GPLD1: variants seen among roughly 807,000 people sequenced by gnomAD.
GPLD1 encodes the protein phosphatidylinositol-glycan-specific phospholipase D.
A neutral mutation model predicts 112.6 loss-of-function variants in GPLD1; 84 were observed. The observed-to-expected ratio is 0.75, with a 90% CI of 0.63 to 0.89. The LOEUF is 0.89. Ranked by LOEUF, GPLD1 falls within the 40% of genes least tolerant of loss-of-function variation. The probability of loss-of-function intolerance (pLI) is 0.00; values close to 1 mark genes in which losing one functional copy is unlikely to be tolerated. For synonymous variants in GPLD1, 386 were observed against 403.8 expected (o/e 0.96, Z 0.53); for missense variants, 1,044 against 1,051.5 (o/e 0.99, Z 0.10).
intron 15 of GPLD1, 149 bp downstream of exon 15, chr6:24,449,640 T>G: frequency 1.7e-6 from 1 of 594,382 alleles, no homozygotes; most frequent in Non-Finnish European, 3.0e-6. Context: ...AAGAACCCCA[T>G]AGGGGCCTGA....
At chr6:24,438,796 T>A (rs372932277) in intron 20 of GPLD1, among the ~76,000 whole-genome samples, 5,604 of 151,968 alleles carry the variant, frequency 0.037, 105 homozygotes, top group Middle Eastern at 0.12. Context: ...TTTTTCTTTT[T>A]TTATTATTGA....
chr6:24,475,349 A>G, intron 4 of GPLD1, 118 bp from the exon 5 acceptor site: 1 of 646,356 alleles, frequency 1.5e-6, no homozygotes, highest in Non-Finnish European at 2.7e-6. Flanking sequence ...AAAAAATTTC[A>G]GGCAAGTAAA....
Position 24,436,706 on chromosome 6 carries a change from ATCC to A in GPLD1, c.2225_2227del (p.Arg742del). The stretch of plus-strand genomic sequence containing the variant: ...AATCAGTCCAGAGGTTACATCTGCT[ATCC>A]TCAGGGGGGCTGCCATGATGATTTC... On this transcript the variant is annotated inframe_deletion, in exon 22 of 25. Coordinates refer to ENST00000230036, the MANE Select transcript of GPLD1 (RefSeq NM_001503.4). 1 of 1,614,094 alleles carries A rather than the reference ATCC, an allele frequency of 6.2e-7. No individual in the cohort carries two copies. The highest frequency in any genetic ancestry group is 1.1e-5 in the South Asian group (1 of 91,052).
chr6:24,458,683 A>T (rs899002789), intron 12 of GPLD1, among the ~76,000 whole-genome samples: 2 of 152,182 alleles, frequency 1.3e-5, no homozygotes, highest in Admixed American at 1.3e-4. Flanking sequence ...GTTCAAGACC[A>T]GCCTGGCCAA....
upstream of GPLD1, among the ~76,000 whole-genome samples, chr6:24,492,505 C>CA (rs57089818): frequency 9.7e-4 from 79 of 81,498 alleles, no homozygotes; most frequent in East Asian, 0.013. Context: ...GACCCTGACT[C>CA]AAAAAAAAAA....
Position 24,466,984 on chromosome 6 carries a change from C to T in GPLD1, c.654-45G>A, listed in dbSNP as rs763224332. ...TTTGGCTGTGAGTTGCAGTTTGTAA[C>T]AGAGAAATGAAGCAAATAATGAAGA... On this transcript the variant is annotated intron_variant, in intron 8 of 24. Transcript: ENST00000230036. The T allele has an allele frequency of 5.9e-6, 9 of 1,532,890 alleles. No individual in the cohort carries two copies. In the African/African-American group the frequency reaches 9.5e-5, roughly 16 times the overall value. 95.0% of individuals were successfully genotyped at this position (1,532,890 alleles called of 1,614,324 possible).
intron 14 of GPLD1, among the ~76,000 whole-genome samples, chr6:24,452,645 G>A (rs1361567746): frequency 6.6e-6 from 1 of 152,002 alleles, no homozygotes; most frequent in Non-Finnish European, 1.5e-5. Flanking sequence ...GCATGGCGGT[G>A]CATGCCTGTA....
At chr6:24,424,083 A>C (rs1027258692), downstream of GPLD1, 2 of 153,610 alleles carry the variant, frequency 1.3e-5, no homozygotes, top group South Asian at 2.0e-4. Context: ...CAGTATAGGG[A>C]ATTATGTTCA....
intron 17 of GPLD1, 159 bp downstream of exon 17, chr6:24,447,718 C>T: frequency 1.4e-6 from 1 of 707,508 alleles, no homozygotes; most frequent in Admixed American, 2.9e-5. Context: ...TGAATCTATG[C>T]ACATCACTTG....
At chr6:24,460,205 C>A in intron 12 of GPLD1, 74 bp downstream of exon 12, 1 of 1,539,254 alleles carries the variant, frequency 6.5e-7, no homozygotes. Context: ...AAATAAATAC[C>A]CAGGGACTCA....
chr6:24,460,331 T>C lies in GPLD1; in HGVS notation c.956A>G (p.Asn319Ser), dbSNP rs770322317. The change falls in exon 12 of 25, where the codon AAT (asparagine) becomes AGT (serine). Residue 319 changes from asparagine to serine, a missense_variant. Physicochemically the swap from Asn to Ser is conservative, Grantham distance 46. Transcript: ENST00000230036. ...TTSLTESVDR[N>S]INYTERGVFF... is the part of the protein sequence containing the mutation. Reference sequence around the variant, plus strand: ...CACTCCTCTTTCAGTATAGTTTATATTCCTGTCAACACTTTCAGTTAGGGA... The same window carrying C: ...CACTCCTCTTTCAGTATAGTTTATACTCCTGTCAACACTTTCAGTTAGGGA... 1 of 1,613,300 alleles carries C rather than the reference T, an allele frequency of 6.2e-7. No individual in the cohort carries two copies. The highest frequency in any genetic ancestry group is 8.5e-7 in the Non-Finnish European group (1 of 1,179,220).
intron 22 of GPLD1, 95 bp from the exon 23 acceptor site, chr6:24,433,484 C>A: frequency 1.8e-5 from 8 of 433,436 alleles, no homozygotes; most frequent in Non-Finnish European, 2.6e-5. Flanking sequence ...CTCATTTCTA[C>A]TTTTTTTTTT....
chr6:24,454,215 A>T lies in GPLD1; in HGVS notation c.1149-14T>A. The T allele has an allele frequency of 6.3e-7, 1 of 1,598,836 alleles. No homozygotes were observed. Among genetic ancestry groups the T allele is most frequent in the Non-Finnish European group, 8.5e-7 (1 of 1,170,868 alleles). ...GAGGTCATTGCCCTTAGGGAAGTGAAGGGACCCACCATGGTATGCACTGAG... is the reference window on the plus strand; with the variant it reads ...GAGGTCATTGCCCTTAGGGAAGTGATGGGACCCACCATGGTATGCACTGAG... On this transcript the variant is annotated splice_polypyrimidine_tract_variant and intron_variant, in intron 13 of 24. Coordinates refer to ENST00000230036, the MANE Select transcript of GPLD1 (RefSeq NM_001503.4).
intron 2 of GPLD1, among the ~76,000 whole-genome samples, chr6:24,483,099 G>A (rs574021357): frequency 3.3e-5 from 5 of 152,170 alleles, no homozygotes; most frequent in African/African-American, 4.8e-5. Flanking sequence ...AGGCTGACGC[G>A]GGCGGATCAC....
intron 3 of GPLD1, among the ~76,000 whole-genome samples, chr6:24,477,021 T>G (rs1315139635): frequency 6.6e-6 from 1 of 151,398 alleles, no homozygotes; most frequent in African/African-American, 2.4e-5. Flanking sequence ...AAATCATTGG[T>G]TTTTTTTCAA....
chr6:24,424,927 T>C (rs1762178175), downstream of GPLD1: 1 of 151,092 alleles, frequency 6.6e-6, no homozygotes, highest in Admixed American at 6.6e-5. Context: ...ACCGATGAAG[T>C]ACAAGTAAGG....
intron 13 of GPLD1, among the ~76,000 whole-genome samples, chr6:24,455,366 A>C (rs1402723611): frequency 2.0e-5 from 3 of 152,230 alleles, no homozygotes; most frequent in African/African-American, 7.2e-5. Flanking sequence ...ACTAGAGCTG[A>C]ATGCACAGAA....
chr6:24,437,131 G>A lies in GPLD1; in HGVS notation c.2179C>T (p.Leu727=). ...TTCTTACCTAAGCCATCATCATCCA[G>A]GTCACTCAAGTGCAGAACGCCACCA... ...RFGGVLHLSD[L]DDDGLDEIIM... The change falls in exon 21 of 25, where the codon CTG becomes TTG. Residue 727 remains leucine (L), a synonymous_variant. Coordinates refer to ENST00000230036, the MANE Select transcript of GPLD1 (RefSeq NM_001503.4). 6.2e-7 allele frequency: 1 copy of A among 1,614,138 alleles called. No homozygotes were observed. Among genetic ancestry groups the A allele is most frequent in the Non-Finnish European group, 8.5e-7 (1 of 1,179,932 alleles).
exon 1 of GPLD1, chr6:24,495,034 G>A (rs111455631): frequency 3.0e-6 from 4 of 1,348,200 alleles, no homozygotes; most frequent in Admixed American, 2.9e-5. Context: ...TGTGGGGCCC[G>A]GCGCCTCGGG....
Sources: allele counts gnomAD v4.1 joint callset (sites outside exome capture counted in the v4.1 genomes callset), GRCh38; gene constraint gnomAD v4.1.1; transcripts MANE v1.5; gene names NCBI Gene and HGNC (gene_info 2026-07-23, HGNC 2026-07-21).